The following MAP3K4 variants were observed in gnomAD, a reference collection of about 807,000 sequenced individuals.
MAP3K4 encodes mitogen-activated protein kinase kinase kinase 4.
A neutral mutation model predicts 185.6 loss-of-function variants in MAP3K4; 67 were observed. That is an observed-to-expected ratio of 0.36 (90% CI 0.30 to 0.44). The LOEUF is 0.44. MAP3K4 is among the 20% of genes least tolerant of loss of function. MAP3K4 has a pLI of 1.00. For synonymous variants in MAP3K4, 702 were observed against 710.4 expected, an observed-to-expected ratio of 0.99 and a Z score of 0.19; for missense variants, 1,551 against 1,995.1, an observed-to-expected ratio of 0.78 and a Z score of 4.24.
chr6:161,073,366 T>C lies in MAP3K4; in HGVS notation c.1951-100T>C, dbSNP rs1043579976. The stretch of plus-strand genomic sequence containing the variant: ...TATTGTAGGTTTTTTAGAGGCAAGG[T>C]TCCCTCTGAGTTTTTTGAAGATTTA... On this transcript the variant is annotated intron_variant, in intron 4 of 26. Coordinates refer to ENST00000392142, the MANE Select transcript of MAP3K4 (RefSeq NM_005922.4). The surrounding 1 kb of genome is among the most constrained non-coding windows in gnomAD (Gnocchi z 4.2). The C allele has an allele frequency of 1.4e-5, 17 of 1,206,266 alleles. No individual in the cohort carries two copies. The African/African-American group carries it at 2.6e-4, about 19-fold the overall frequency. The allele number at this position is 1,206,266 out of a possible 1,614,324, so 74.7% of individuals were successfully genotyped here. A position where few individuals can be genotyped will look rare whatever the true frequency, so the allele number is the denominator to read the frequency against.
At position 161,112,769 on chromosome 6, in the gene MAP3K4, G is replaced by A; in HGVS notation, c.4621G>A (p.Gly1541Ser). The change falls in exon 25 of 27, where the codon GGC becomes AGC. Residue 1541 changes from glycine (G) to serine (S), a missense_variant. Physicochemically the swap from Gly to Ser is moderately conservative, Grantham distance 56. Around this residue, in one of 16 missense-constraint regions of MAP3K4, gnomAD observed 159 missense variants for 300.5 expected, o/e 0.53. Transcript: ENST00000392142. The surrounding 1 kb of genome is among the most constrained non-coding windows in gnomAD (Gnocchi z 5.1). ...GTGTGTTGTCATAGAGATGGTGACTGGCAAGGTAAGCGGAGCCCCCACACC... is the reference window on the plus strand; with the variant it reads ...GTGTGTTGTCATAGAGATGGTGACTAGCAAGGTAAGCGGAGCCCCCACACC... The part of the protein sequence containing the change: ...LGCVVIEMVT[G>S]KRPWHEYEHN... The A allele has an allele frequency of 6.3e-7, 1 of 1,593,958 alleles. No individual in the cohort carries two copies. Among genetic ancestry groups the A allele is most frequent in the Non-Finnish European group, 8.5e-7 (1 of 1,171,292 alleles).
At chr6:161,023,460 A>G (rs1028208813) in intron 1 of MAP3K4, among the ~76,000 whole-genome samples, 29 of 152,244 alleles carry the variant, frequency 1.9e-4, no homozygotes, top group African/African-American at 6.8e-4. Context: ...AGCCTCCTGG[A>G]GGAGGAATGC....
rs1431915097 is a variant in MAP3K4, at chr6:161,007,245, G to GA, written c.152+15167dup. On this transcript the variant is annotated intron_variant, in intron 1 of 26. Coordinates refer to ENST00000392142, the MANE Select transcript of MAP3K4 (RefSeq NM_005922.4). The surrounding 1 kb of genome is among the most constrained non-coding windows in gnomAD (Gnocchi z 4.5). Reference sequence around the variant, plus strand: ...CTTGAGTCCTGGCATCAAAACAAAGGAAAAATACAGTGGACAGTTAAGTAG... The same window carrying GA: ...CTTGAGTCCTGGCATCAAAACAAAGGAAAAAATACAGTGGACAGTTAAGTAG... Among the ~76,000 whole-genome samples the GA allele has an allele frequency of 2.0e-5, 3 of 152,126 alleles. No individual in the cohort carries two copies. Among genetic ancestry groups the GA allele is most frequent in the Non-Finnish European group, 2.9e-5 (2 of 68,020 alleles).
At position 161,053,418 on chromosome 6, in the gene MAP3K4, A is replaced by G. The variant is rs1391344756; in HGVS notation, c.1707+3439A>G. Among the ~76,000 whole-genome samples, 1 of 152,206 alleles carries G rather than the reference A, an allele frequency of 6.6e-6. No homozygotes were observed. Among genetic ancestry groups the G allele is most frequent in the Non-Finnish European group, 1.5e-5 (1 of 68,042 alleles). ...AAAATGCTCTACAAATCAACCATAA[A>G]CTTTTAGAAGTTTTATTACTTTTTC... On this transcript the variant is annotated intron_variant, in intron 3 of 26. Transcript: ENST00000392142. This position sits in a 1 kb window ranked among gnomAD's most constrained non-coding sequence, Gnocchi z 4.2.
At chr6:161,045,964 A>C (rs1444435732) in intron 2 of MAP3K4, among the ~76,000 whole-genome samples, 1 of 152,176 alleles carries the variant, frequency 6.6e-6, no homozygotes, top group Non-Finnish European at 1.5e-5. Flanking sequence ...CTTATCTACT[A>C]TCACGATATT....
rs932013222 is a variant in MAP3K4, at chr6:161,049,525, A to G, written c.1253A>G (p.Asn418Ser). The change falls in exon 3 of 27, where the codon AAT becomes AGT. Residue 418 changes from asparagine (N) to serine (S), a missense_variant. By Grantham distance (46) the Asn-to-Ser change is conservative. This residue lies in a region of MAP3K4 where 24 missense variants were observed against 48.5 expected (regional missense o/e 0.49). Transcript: ENST00000392142. This position sits in a 1 kb window ranked among gnomAD's most constrained non-coding sequence, Gnocchi z 8.4. ...RIMGTVLGIK[N>S]LSDIGWPVFE... ...ATGGGCACTGTTTTGGGCATCAAGA[A>G]TTTATCAGACATTGGCTGGCCAGTG... 1 of 1,614,058 alleles carries G rather than the reference A, an allele frequency of 6.2e-7. No homozygotes were observed. Among genetic ancestry groups the G allele is most frequent in the African/African-American group, 1.3e-5 (1 of 74,944 alleles).
chr6:161,038,429 T>C (rs1197460690), intron 2 of MAP3K4, among the ~76,000 whole-genome samples: 3 of 152,206 alleles, frequency 2.0e-5, no homozygotes, highest in Non-Finnish European at 4.4e-5. Flanking sequence ...TTAATTAGAT[T>C]GGTCAGATTT....
chr6:161,005,880 G>A (rs1207478079), intron 1 of MAP3K4, among the ~76,000 whole-genome samples: 3 of 131,994 alleles, frequency 2.3e-5, no homozygotes, highest in Admixed American at 1.5e-4. Flanking sequence ...CTCTGCCTCC[G>A]AGGTTCAAGC....
intron 13 of MAP3K4, among the ~76,000 whole-genome samples, chr6:161,092,643 T>G (rs1777378809): frequency 6.9e-6 from 1 of 144,440 alleles, no homozygotes; most frequent in African/African-American, 2.9e-5. Context: ...AGAAAACACA[T>G]TTGCTGCATC....
At chr6:161,078,230 A>G (rs74315829) in intron 5 of MAP3K4, among the ~76,000 whole-genome samples, 3,578 of 152,272 alleles carry the variant, frequency 0.023, 155 homozygotes, top group African/African-American at 0.082. Context: ...CAGAAATGTT[A>G]TGTGGCTGGT....
chr6:161,028,247 A>G (rs1335966631), intron 1 of MAP3K4, among the ~76,000 whole-genome samples: 1 of 151,926 alleles, frequency 6.6e-6, no homozygotes. Flanking sequence ...ATGTATGTTT[A>G]ATTAACTGTC....
chr6:160,992,696 A>G (rs1780790601), intron 1 of MAP3K4, among the ~76,000 whole-genome samples: 1 of 152,214 alleles, frequency 6.6e-6, no homozygotes, highest in African/African-American at 2.4e-5. Flanking sequence ...ACACGTGCAC[A>G]AAAGTAAGGA....
intron 6 of MAP3K4, among the ~76,000 whole-genome samples, chr6:161,081,718 C>T (rs912977627): frequency 2.6e-5 from 4 of 152,156 alleles, no homozygotes; most frequent in African/African-American, 9.7e-5. Context: ...GCCGCGTCTC[C>T]GTGGTCTTTG....
chr6:161,042,908 GCACACACACA>G (rs58595402), intron 2 of MAP3K4, among the ~76,000 whole-genome samples: 2,568 of 149,466 alleles, frequency 0.017, 33 homozygotes, highest in African/African-American at 0.036. Context: ...ATGAGAATTT[GCACACACACA>G]CACACACACA....
At position 161,003,576 on chromosome 6, in the gene MAP3K4, T is replaced by C. The variant is rs183155102; in HGVS notation, c.152+11493T>C. ...AGGTACCTGGCATAGTCCTTTTCCT[T>C]GGGTCCCAAGACAGCTCTTCTTTGT... On this transcript the variant is annotated intron_variant, in intron 1 of 26. Coordinates refer to ENST00000392142, the MANE Select transcript of MAP3K4 (RefSeq NM_005922.4). Among the ~76,000 whole-genome samples the C allele has an allele frequency of 2.1e-3, 327 of 152,264 alleles. 2 individuals carry two copies. The highest frequency in any genetic ancestry group is 3.3e-3 in the Non-Finnish European group (226 of 68,014).
chr6:161,047,461 CATT>C (rs1783786251), intron 2 of MAP3K4, among the ~76,000 whole-genome samples: 1 of 151,958 alleles, frequency 6.6e-6, no homozygotes, highest in Non-Finnish European at 1.5e-5. Flanking sequence ...CTTATATCAT[CATT>C]GATTATATAT....
chr6:160,998,025 A>AAAAT (rs1029213980), intron 1 of MAP3K4, among the ~76,000 whole-genome samples: 3 of 152,116 alleles, frequency 2.0e-5, no homozygotes, highest in African/African-American at 7.2e-5. Flanking sequence ...AGTTGCCTTT[A>AAAAT]AAATAAATAA....
rs765938179 is a variant in MAP3K4 at position 161,108,789 on chromosome 6, A to T, written c.4166A>T (p.Asp1389Val). 2 of 1,614,120 alleles carry T rather than the reference A, an allele frequency of 1.2e-6. No individual in the cohort carries two copies. Among genetic ancestry groups the T allele is most frequent in the Non-Finnish European group, 1.7e-6 (2 of 1,179,994 alleles). ...CATAAGACTATCAAGGAAACTGCAG[A>T]CGAATTGAAAATATTCGAAGGCATC... Reference protein sequence around the residue: ...NDHKTIKETADELKIFEGIKH... With the variant: ...NDHKTIKETAVELKIFEGIKH... The change falls in exon 22 of 27, where the codon GAC becomes GTC. Residue 1389 changes from aspartate (D) to valine (V), a missense_variant. This residue lies in a region of MAP3K4 where 159 missense variants were observed against 300.5 expected (regional missense o/e 0.53). Coordinates refer to ENST00000392142, the MANE Select transcript of MAP3K4 (RefSeq NM_005922.4). This position sits in a 1 kb window ranked among gnomAD's most constrained non-coding sequence, Gnocchi z 5.7.
rs11966991 is a variant in MAP3K4, at chr6:161,103,035, A to G, written c.3856+256A>G. On this transcript the variant is annotated intron_variant, in intron 19 of 26. Transcript: ENST00000392142. This position sits in a 1 kb window ranked among gnomAD's most constrained non-coding sequence, Gnocchi z 4.6. ...TACTCATCTTTATATTCTTAAAGCA[A>G]CTTAGCATAATTTTTTGTCCATGGT... Among the ~76,000 whole-genome samples the G allele has an allele frequency of 6.6e-6, 1 of 152,196 alleles. No homozygotes were observed. Among genetic ancestry groups the G allele is most frequent in the African/African-American group, 2.4e-5 (1 of 41,440 alleles).
Sources: gnomAD v4.1 joint callset for allele counts (sites outside exome capture counted in the v4.1 genomes callset) on GRCh38, gnomAD v4.1.1 for gene constraint, gnomAD v4.1.1 regional missense constraint, Gnocchi (gnomAD v3.1) non-coding constraint, MANE v1.5 for transcripts, NCBI Gene and HGNC (gene_info 2026-07-23, HGNC 2026-07-21) for gene names.